Variants in ADAMTS12 observed in about 807,000 individuals in gnomAD.
ADAMTS12 encodes the protein ADAM metallopeptidase with thrombospondin type 1 motif 12, also known as A disintegrin and metalloproteinase with thrombospondin motifs 12.
In ADAMTS12, 118 loss-of-function variants were observed where a neutral mutation model predicts 167.8. That is an observed-to-expected ratio of 0.70 (90% CI 0.61 to 0.82). The LOEUF (loss-of-function observed/expected upper bound fraction) is 0.82. Among genes scored for constraint, ADAMTS12 ranks in the 40% least tolerant of loss-of-function variants. ADAMTS12 has a pLI of 0.00. For missense variants in ADAMTS12, 1,916 were observed against 1,998.8 expected, an observed-to-expected ratio of 0.96 and a Z score of 0.79; for synonymous variants, 704 against 716.9, an observed-to-expected ratio of 0.98 and a Z score of 0.29.
chr5:33,606,800 G>T lies in ADAMTS12; in HGVS notation c.2527+7438C>A, dbSNP rs531050225. Among the ~76,000 whole-genome samples, 10 of 152,332 alleles carry T rather than the reference G, an allele frequency of 6.6e-5. No homozygotes were observed. The South Asian group carries it at 1.9e-3, about 28-fold the overall frequency. ...TGATACCCAGCTGAACAAGGAGAGT[G>T]CTGGAAGGGAATATTAAAGATAGAT... On this transcript the variant is annotated intron_variant, in intron 16 of 23. Coordinates refer to ENST00000504830, the MANE Select transcript of ADAMTS12 (RefSeq NM_030955.4).
At chr5:33,881,089 G>A in intron 2 of ADAMTS12, 30 bp downstream of exon 2, 1 of 1,604,832 alleles carries the variant, frequency 6.2e-7, no homozygotes, top group Non-Finnish European at 8.5e-7. Context: ...GGCCAGGGCA[G>A]AGGAAGGAGA....
At chr5:33,820,102 A>G (rs950255299) in intron 2 of ADAMTS12, among the ~76,000 whole-genome samples, 3 of 152,204 alleles carry the variant, frequency 2.0e-5, no homozygotes, top group African/African-American at 7.2e-5. Flanking sequence ...TTATTTCTCC[A>G]GGTTTCAGCT....
intron 3 of ADAMTS12, among the ~76,000 whole-genome samples, chr5:33,734,793 T>C (rs1744314098): frequency 6.6e-6 from 1 of 152,152 alleles, no homozygotes; most frequent in South Asian, 2.1e-4. Context: ...AAACATCAAC[T>C]GGGGTGTCTG....
intron 2 of ADAMTS12, among the ~76,000 whole-genome samples, chr5:33,878,345 C>G (rs1044904619): frequency 3.3e-5 from 5 of 152,042 alleles, no homozygotes; most frequent in African/African-American, 1.2e-4. Context: ...ATAATCCTCC[C>G]AGTAGAATTT....
intron 13 of ADAMTS12, among the ~76,000 whole-genome samples, chr5:33,630,387 A>G (rs1204012237): frequency 1.3e-5 from 2 of 152,204 alleles, no homozygotes; most frequent in Non-Finnish European, 2.9e-5. Context: ...TCATGTTGAT[A>G]GTCAATGGAG....
intron 2 of ADAMTS12, among the ~76,000 whole-genome samples, chr5:33,777,613 A>G (rs563053865): frequency 2.4e-4 from 37 of 152,262 alleles, no homozygotes; most frequent in African/African-American, 8.4e-4. Context: ...TTAAGATCAA[A>G]AACAAGACAA....
chr5:33,815,726 C>T (rs1190557547), intron 2 of ADAMTS12, among the ~76,000 whole-genome samples: 2 of 152,154 alleles, frequency 1.3e-5, no homozygotes, highest in East Asian at 1.9e-4. Flanking sequence ...AGCGCATAGT[C>T]CTGAAAGCAG....
At chr5:33,815,769 T>A (rs1747630495) in intron 2 of ADAMTS12, among the ~76,000 whole-genome samples, 1 of 152,160 alleles carries the variant, frequency 6.6e-6, no homozygotes, top group Admixed American at 6.6e-5. Flanking sequence ...CGCAAAGGTA[T>A]CCAGGACCAG....
At chr5:33,711,491 C>T (rs1321327342) in intron 3 of ADAMTS12, among the ~76,000 whole-genome samples, 1 of 152,120 alleles carries the variant, frequency 6.6e-6, no homozygotes, top group Non-Finnish European at 1.5e-5. Flanking sequence ...TCAGGTCTCA[C>T]ACCCCAGGGG....
chr5:33,527,780 G>T (rs1397786811), intron 23 of ADAMTS12, among the ~76,000 whole-genome samples: 1 of 152,202 alleles, frequency 6.6e-6, no homozygotes, highest in East Asian at 1.9e-4. Flanking sequence ...GTCACCATAA[G>T]AAGAACCTGG....
At chr5:33,706,091 C>CT (rs1417524799) in intron 3 of ADAMTS12, among the ~76,000 whole-genome samples, 4 of 151,782 alleles carry the variant, frequency 2.6e-5, no homozygotes, top group African/African-American at 2.4e-5. Flanking sequence ...ATACCAATGA[C>CT]TTTTTTTTAA....
At chr5:33,746,901 G>T (rs1459194020) in intron 3 of ADAMTS12, among the ~76,000 whole-genome samples, 1 of 152,198 alleles carries the variant, frequency 6.6e-6, no homozygotes, top group Non-Finnish European at 1.5e-5. Flanking sequence ...GAGCACAGCT[G>T]TTTCAGCCTG....
intron 6 of ADAMTS12, among the ~76,000 whole-genome samples, chr5:33,660,516 C>A (rs1216334994): frequency 1.3e-5 from 2 of 152,198 alleles, no homozygotes; most frequent in Non-Finnish European, 2.9e-5. Context: ...TCACTCATTT[C>A]TTCAGGTGAG....
At chr5:33,870,563 T>A (rs1241810626) in intron 2 of ADAMTS12, among the ~76,000 whole-genome samples, 1 of 152,152 alleles carries the variant, frequency 6.6e-6, no homozygotes, top group Non-Finnish European at 1.5e-5. Flanking sequence ...CTTGGGAAAC[T>A]GTTGAGAAGG....
At chr5:33,622,925 C>T (rs1739404431) in intron 14 of ADAMTS12, among the ~76,000 whole-genome samples, 1 of 152,114 alleles carries the variant, frequency 6.6e-6, no homozygotes, top group Non-Finnish European at 1.5e-5. Flanking sequence ...ATACAGTCTT[C>T]CAGTGGTAAT....
chr5:33,859,645 G>A (rs181622858), intron 2 of ADAMTS12, among the ~76,000 whole-genome samples: 269 of 152,326 alleles, frequency 1.8e-3, no homozygotes, highest in Admixed American at 3.9e-3. Context: ...TCCCAGCACA[G>A]TGCTCAAGCT....
At chr5:33,846,797 T>G (rs146761462) in intron 2 of ADAMTS12, among the ~76,000 whole-genome samples, 290 of 152,322 alleles carry the variant, frequency 1.9e-3, no homozygotes, top group African/African-American at 6.8e-3. Flanking sequence ...CCCGGAGGTT[T>G]GAAGGCTTTT....
intron 3 of ADAMTS12, among the ~76,000 whole-genome samples, chr5:33,737,484 T>G (rs1211727976): frequency 1.3e-5 from 2 of 152,124 alleles, no homozygotes; most frequent in Non-Finnish European, 2.9e-5. Context: ...TAAAAAGAAT[T>G]CTGGAGATTG....
chr5:33,768,085 C>T (rs908430326), intron 2 of ADAMTS12, among the ~76,000 whole-genome samples: 2 of 152,090 alleles, frequency 1.3e-5, no homozygotes, highest in African/African-American at 4.8e-5. Flanking sequence ...GGGAGGCAAC[C>T]ATTCAGGCCG....
Sources: gnomAD v4.1 joint callset for allele counts (sites outside exome capture counted in the v4.1 genomes callset) on GRCh38, gnomAD v4.1.1 for gene constraint, MANE v1.5 for transcripts, NCBI Gene and HGNC (gene_info 2026-07-23, HGNC 2026-07-21) for gene names.